Variants in ARHGAP32 observed in about 807,000 individuals in gnomAD.
ARHGAP32 encodes Rho GTPase activating protein 32.
In ARHGAP32, 51 loss-of-function variants were observed where a neutral mutation model predicts 186.5. That is an observed-to-expected ratio of 0.27 (90% CI 0.22 to 0.35). The LOEUF (loss-of-function observed/expected upper bound fraction) is 0.35. Among genes scored for constraint, ARHGAP32 ranks in the 10% least tolerant of loss-of-function variants. ARHGAP32 has a pLI of 1.00. For synonymous variants in ARHGAP32, 950 were observed against 964.3 expected (o/e 0.99, Z 0.27); for missense variants, 2,186 against 2,623.5 (o/e 0.83, Z 3.64).
At chr11:129,218,652 C>G (rs142507984) in intron 1 of ARHGAP32, among the ~76,000 whole-genome samples, 2 of 152,096 alleles carry the variant, frequency 1.3e-5, no homozygotes, top group East Asian at 3.9e-4. Context: ...GAAGACAGAA[C>G]GGGGGAAAGG....
chr11:129,170,494 T>C (rs1410746620), intron 1 of ARHGAP32, among the ~76,000 whole-genome samples: 1 of 152,190 alleles, frequency 6.6e-6, no homozygotes, highest in Admixed American at 6.5e-5. Flanking sequence ...TCCATGTCCC[T>C]GAAAAGGACA....
In ARHGAP32 at chr11:129,063,962, G is replaced by C. The variant is rs201818251; in HGVS notation, c.825C>G (p.Val275=). Residue 275 remains valine (V), a synonymous_variant, in exon 9 of 23, where the codon GTC becomes GTG. Coordinates refer to ENST00000682385, the MANE Select transcript of ARHGAP32 (RefSeq NM_001378024.1). ...ACCTCTTGATAACATGGGCAGCACC[G>C]ACAGCAGGAGTGTTGATGGATGACT... ...HEESSINTPA[V]GAAHVIKRYT... 12 of 1,612,734 alleles carry C rather than the reference G, an allele frequency of 7.4e-6. No individual in the cohort carries two copies. The East Asian group carries it at 2.7e-4, about 36-fold the overall frequency.
chr11:129,168,313 A>G (rs1943680165), intron 1 of ARHGAP32, among the ~76,000 whole-genome samples: 1 of 152,196 alleles, frequency 6.6e-6, no homozygotes, highest in Admixed American at 6.6e-5. Flanking sequence ...AAGGTAGAAA[A>G]TGGAAGGATT....
chr11:129,114,242 CCTTTGTCTGTA>C (rs1401808349), intron 5 of ARHGAP32, among the ~76,000 whole-genome samples: 3 of 151,992 alleles, frequency 2.0e-5, no homozygotes, highest in Non-Finnish European at 4.4e-5. Flanking sequence ...AACACAAGCA[CCTTTGTCTGTA>C]CTATTTTTCC....
intron 1 of ARHGAP32, among the ~76,000 whole-genome samples, chr11:129,250,506 TA>T (rs1945167153): frequency 6.6e-6 from 1 of 152,194 alleles, no homozygotes; most frequent in Admixed American, 6.5e-5. Context: ...ACACAACTTT[TA>T]AAAAATTAAT....
chr11:128,993,425 A>C (rs1041604814), intron 12 of ARHGAP32: 4 of 151,928 alleles, frequency 2.6e-5, no homozygotes, highest in African/African-American at 9.7e-5. Context: ...CACTATATTA[A>C]AGTCTAAACT....
chr11:129,157,973 C>A (rs190891684), intron 2 of ARHGAP32, among the ~76,000 whole-genome samples: 61 of 152,234 alleles, frequency 4.0e-4, no homozygotes, highest in African/African-American at 1.3e-3. Context: ...TCCAGCCAAA[C>A]TAAGCTTCAT....
intron 11 of ARHGAP32, among the ~76,000 whole-genome samples, chr11:129,034,226 G>A (rs1565386948): frequency 6.6e-6 from 1 of 152,146 alleles, no homozygotes; most frequent in African/African-American, 2.4e-5. Flanking sequence ...TATCCTAGGG[G>A]AATAATGTCT....
At chr11:129,138,462 T>C (rs1942984136) in intron 2 of ARHGAP32, among the ~76,000 whole-genome samples, 1 of 152,118 alleles carries the variant, frequency 6.6e-6, no homozygotes, top group Non-Finnish European at 1.5e-5. Flanking sequence ...AACTAGGAAT[T>C]AGCAATGTTT....
intron 1 of ARHGAP32, among the ~76,000 whole-genome samples, chr11:129,225,248 A>G (rs917030635): frequency 5.9e-5 from 9 of 152,310 alleles, no homozygotes; most frequent in African/African-American, 2.2e-4. Context: ...GAGACTTTGA[A>G]AAGTTTAGAC....
intron 1 of ARHGAP32, among the ~76,000 whole-genome samples, chr11:129,263,152 G>A (rs1429295960): frequency 6.6e-6 from 1 of 152,092 alleles, no homozygotes; most frequent in African/African-American, 2.4e-5. Flanking sequence ...GAAAACATAG[G>A]AGGGAAATGT....
At chr11:129,259,913 A>C (rs1296310719) in intron 1 of ARHGAP32, among the ~76,000 whole-genome samples, 1 of 152,160 alleles carries the variant, frequency 6.6e-6, no homozygotes, top group Non-Finnish European at 1.5e-5. Context: ...GAGTAGGGTC[A>C]TTCAACAATT....
chr11:128,966,450 A>T lies in ARHGAP32; in HGVS notation c.*2457T>A, dbSNP rs185001684. On this transcript the variant is annotated 3_prime_UTR_variant, in exon 23 of 23. Transcript: ENST00000682385. ...GTTTCAAATAACTGAATCCAAAGTT[A>T]AGGCTGTTGCTAGCATGCATTAAAT... The T allele has an allele frequency of 7.2e-5, 11 of 152,340 alleles. No homozygotes were observed. The highest frequency in any genetic ancestry group is 7.2e-4 in the Admixed American group (11 of 15,306). 9.4% of individuals were successfully genotyped at this position (152,340 alleles called of 1,614,324 possible). A position where few individuals can be genotyped will look rare whatever the true frequency, so the allele number is the denominator to read the frequency against.
intron 17 of ARHGAP32, 54 bp downstream of exon 17, chr11:128,981,362 T>C: frequency 6.6e-7 from 1 of 1,522,078 alleles, no homozygotes; most frequent in Non-Finnish European, 8.8e-7. Context: ...GGTTTGCTAC[T>C]CCTCTGGAAG....
chr11:129,054,000 G>T (rs1265445132), intron 10 of ARHGAP32, among the ~76,000 whole-genome samples: 1 of 151,952 alleles, frequency 6.6e-6, no homozygotes, highest in East Asian at 1.9e-4. Flanking sequence ...CTGAATATCT[G>T]CCCCTTGAAA....
At chr11:128,983,650 AT>A (rs1472934754) in intron 15 of ARHGAP32, among the ~76,000 whole-genome samples, 3 of 152,000 alleles carry the variant, frequency 2.0e-5, no homozygotes, top group East Asian at 1.9e-4. Context: ...TAATAAAAAA[AT>A]AAATAAATAA....
intron 1 of ARHGAP32, among the ~76,000 whole-genome samples, chr11:129,249,830 A>C (rs1234074350): frequency 6.6e-6 from 1 of 152,160 alleles, no homozygotes; most frequent in Non-Finnish European, 1.5e-5. Flanking sequence ...TAGAAACAGC[A>C]ATGCTGGTAC....
chr11:129,024,807 A>G (rs969489837), intron 11 of ARHGAP32, among the ~76,000 whole-genome samples: 2 of 152,184 alleles, frequency 1.3e-5, no homozygotes. Context: ...CATTAGCAAA[A>G]GTGAAAATCT....
At chr11:129,050,989 T>C (rs1157513644) in intron 10 of ARHGAP32, among the ~76,000 whole-genome samples, 1 of 152,242 alleles carries the variant, frequency 6.6e-6, no homozygotes, top group Non-Finnish European at 1.5e-5. Flanking sequence ...TTTTTATGGC[T>C]GCATAGTATT....
Sources: allele counts gnomAD v4.1 joint callset (sites outside exome capture counted in the v4.1 genomes callset), GRCh38; gene constraint gnomAD v4.1.1; transcripts MANE v1.5; gene names NCBI Gene and HGNC (gene_info 2026-07-23, HGNC 2026-07-21).